Variants in C4orf50 observed in about 807,000 individuals in gnomAD.
The protein encoded by C4orf50 is uncharacterized protein C4orf50.
A neutral mutation model predicts 77.2 loss-of-function variants in C4orf50; 80 were observed. The ratio of observed to expected loss-of-function variants is 1.04; its 90% CI spans 0.87 to 1.25. C4orf50 has a LOEUF of 1.25. Ranked by LOEUF, C4orf50 falls within the 50% of genes most tolerant of loss-of-function variation. The pLI is 0.00. For synonymous variants in C4orf50, 532 were observed against 465.3 expected, an observed-to-expected ratio of 1.14 and a Z score of -1.84; for missense variants, 1,257 against 1,152.9, an observed-to-expected ratio of 1.09 and a Z score of -1.31.
rs141947081 is a variant in C4orf50 at position 5,962,723 on chromosome 4, C to A, written c.4275+2301G>T. On this transcript the variant is annotated intron_variant, in intron 33 of 33. Coordinates refer to ENST00000531445, the Ensembl canonical transcript of C4orf50. ...CCCCTCTGTGCCTCATCTTTTCTCA[C>A]AGGTTAAGTGGAGCTGATGCTGATA... Among the ~76,000 whole-genome samples the A allele has an allele frequency of 3.7e-3, 569 of 152,348 alleles. 1 individual carries two copies. Among genetic ancestry groups the A allele is most frequent in the Non-Finnish European group, 4.9e-3 (332 of 68,038 alleles).
rs750131436 is a variant in C4orf50 at position 6,017,016 on chromosome 4, A to G, written c.287+1129T>C. ...TTCGCTGATCTATATACAAGGCCCA[A>G]CCTCGTTCTGCCAGTCTGGGTGTCA... On this transcript the variant is annotated intron_variant, in intron 23 of 33. Transcript: ENST00000531445. The surrounding 1 kb of genome is among the most constrained non-coding windows in gnomAD (Gnocchi z 4.7). 1.3e-5 allele frequency among the ~76,000 whole-genome samples: 2 copies of G among 152,074 alleles called. No individual in the cohort carries two copies. Among genetic ancestry groups the G allele is most frequent in the African/African-American group, 4.8e-5 (2 of 41,402 alleles).
rs144140817 is a variant in C4orf50, at chr4:5,965,396, C to T, written c.4154-251G>A. 3.6e-3 allele frequency among the ~76,000 whole-genome samples: 547 copies of T among 152,348 alleles called. 2 individuals carry two copies. The highest frequency in any genetic ancestry group is 0.013 in the African/African-American group (522 of 41,576). On this transcript the variant is annotated intron_variant, in intron 32 of 33. Transcript: ENST00000531445. ...TGCCTGCCTGCCTGCCTCACCTTCC[C>T]CTACCTGGCTGCAAGCTCATTCCAT...
intron 32 of C4orf50, among the ~76,000 whole-genome samples, chr4:5,966,605 G>A (rs1018652589): frequency 7.9e-5 from 12 of 151,176 alleles, no homozygotes; most frequent in African/African-American, 2.4e-4. Flanking sequence ...AGATCCAGAT[G>A]TGCACATCGA....
In C4orf50 at chr4:5,975,158, A is replaced by C. The variant is rs148875358; in HGVS notation, c.3921+741T>G. 8.9e-3 allele frequency among the ~76,000 whole-genome samples: 706 copies of C among 79,658 alleles called. 35 individuals carry two copies. Among genetic ancestry groups the C allele is most frequent in the African/African-American group, 0.034 (658 of 19,100 alleles). The allele number at this position is 79,658 out of a possible 152,430, so 52.3% of individuals were successfully genotyped here. A position where few individuals can be genotyped will look rare whatever the true frequency, so the allele number is the denominator to read the frequency against. On this transcript the variant is annotated intron_variant, in intron 30 of 33. Transcript: ENST00000531445. Reference sequence around the variant, plus strand: ...CCATCTCAAAAAAAAAAAAAAAAAAAAAAAAAAAAAAAAAAAAAAACTACA... The same window carrying C: ...CCATCTCAAAAAAAAAAAAAAAAAACAAAAAAAAAAAAAAAAAAAACTACA...
rs1321047980 is a variant in C4orf50 at position 6,011,226 on chromosome 4, A to C, written c.426+604T>G. The stretch of plus-strand genomic sequence containing the variant: ...AAAGCTTGTTCCCCATTGTATTCAG[A>C]ATTGGGCCATGCAGCGGAGTTGGCC... On this transcript the variant is annotated intron_variant, in intron 24 of 33. Transcript: ENST00000531445. The surrounding 1 kb of genome is among the most constrained non-coding windows in gnomAD (Gnocchi z 4.2). Among the ~76,000 whole-genome samples the C allele has an allele frequency of 6.6e-6, 1 of 152,116 alleles. No individual in the cohort carries two copies. Among genetic ancestry groups the C allele is most frequent in the Non-Finnish European group, 1.5e-5 (1 of 68,010 alleles).
exon 28 of C4orf50, chr4:5,989,049 T>G: frequency 6.5e-7 from 1 of 1,536,106 alleles, no homozygotes; most frequent in Non-Finnish European, 8.7e-7. Context: ...GGTCAGAGAT[T>G]GCCTGTAAAT....
At position 5,900,308 on chromosome 4, in the gene C4orf50, C is replaced by T. The variant is rs1467015675; in HGVS notation, c.*2475-2120G>A. The T allele has an allele frequency of 1.3e-5, 2 of 152,114 alleles. No individual in the cohort carries two copies. The highest frequency in any genetic ancestry group is 2.4e-5 in the African/African-American group (1 of 41,404). 9.4% of individuals were successfully genotyped at this position (152,114 alleles called of 1,614,324 possible). A position where few individuals can be genotyped will look rare whatever the true frequency, so the allele number is the denominator to read the frequency against. Reference sequence around the variant, plus strand: ...CTCTCCAATGATGGGTAACTAAACTCATATAATAATCTCATTCCAAAGCAA... The same window carrying T: ...CTCTCCAATGATGGGTAACTAAACTTATATAATAATCTCATTCCAAAGCAA... On this transcript the variant is annotated intron_variant, in intron 7 of 7. Transcript: ENST00000324058. The surrounding 1 kb of genome is among the most constrained non-coding windows in gnomAD (Gnocchi z 4.3).
intron 31 of C4orf50, among the ~76,000 whole-genome samples, chr4:5,972,225 G>C (rs528143446): frequency 6.6e-6 from 1 of 151,934 alleles, no homozygotes; most frequent in South Asian, 2.1e-4. Context: ...GCATGGTCTC[G>C]ATCTCTTGAC....
Position 5,909,088 on chromosome 4 carries a change from T to G in C4orf50, c.*2475-10900A>C, listed in dbSNP as rs549341827. Among the ~76,000 whole-genome samples, 162 of 152,330 alleles carry G rather than the reference T, an allele frequency of 1.1e-3. 1 individual carries two copies. Among genetic ancestry groups the G allele is most frequent in the African/African-American group, 3.9e-3 (162 of 41,574 alleles). On this transcript the variant is annotated intron_variant, in intron 7 of 7. Coordinates refer to the C4orf50 transcript ENST00000324058. ...AAGCTGATGACATCCTGCCATTGTT[T>G]CAAACTACTACATGTCTTTCTCTGC...
At chr4:5,993,042 C>T (rs1014947586) in intron 26 of C4orf50, 112 bp from the exon 5 acceptor site, 1 of 396,916 alleles carries the variant, frequency 2.5e-6, no homozygotes, top group East Asian at 3.6e-5. Context: ...CCCCCCCACC[C>T]CCGACTGTGA....
intron 7 of C4orf50, among the ~76,000 whole-genome samples, chr4:5,951,779 T>G (rs1718734800): frequency 6.6e-6 from 1 of 152,170 alleles, no homozygotes; most frequent in Non-Finnish European, 1.5e-5. Context: ...GCGTTCGCTC[T>G]CCGTCCGACC....
At chr4:5,993,432 G>A (rs918087192) in intron 26 of C4orf50, among the ~76,000 whole-genome samples, 6 of 152,330 alleles carry the variant, frequency 3.9e-5, no homozygotes, top group Non-Finnish European at 8.8e-5. Context: ...TTGGAGGGCT[G>A]GAAATAAACC....
intron 7 of C4orf50, among the ~76,000 whole-genome samples, chr4:5,924,526 G>C (rs73067436): frequency 0.012 from 1,777 of 152,276 alleles, 29 homozygotes; most frequent in African/African-American, 0.04. Context: ...AGCAAGGGTA[G>C]AGAAACCTCC....
exon 8 of C4orf50, chr4:5,897,987 CTTG>C (rs1716195911): frequency 6.6e-6 from 1 of 152,206 alleles, no homozygotes; most frequent in Non-Finnish European, 1.5e-5. Flanking sequence ...CATTCTCAGC[CTTG>C]AGTTTATGAA....
chr4:5,955,761 C>G (rs1413242909), downstream of C4orf50, among the ~76,000 whole-genome samples: 1 of 152,142 alleles, frequency 6.6e-6, no homozygotes, highest in Non-Finnish European at 1.5e-5. This position sits in a 1 kb window ranked among gnomAD's most constrained non-coding sequence, Gnocchi z 5.1. Flanking sequence ...GCTGGCCCCT[C>G]CGGTGGAGTC....
intron 7 of C4orf50, among the ~76,000 whole-genome samples, chr4:5,909,258 T>C (rs1212558664): frequency 2.0e-5 from 3 of 152,230 alleles, no homozygotes; most frequent in Non-Finnish European, 4.4e-5. Flanking sequence ...CTGAGCACAC[T>C]GGCCTTGACC....
intron 29 of C4orf50, among the ~76,000 whole-genome samples, chr4:5,977,501 G>T (rs192648778): frequency 4.6e-5 from 7 of 152,070 alleles, no homozygotes; most frequent in African/African-American, 1.7e-4. Flanking sequence ...AATTTTGATG[G>T]TATTTTCATA....
rs1220366208 is a variant in C4orf50, at chr4:5,901,792, G to A, written c.*2475-3604C>T. Reference sequence around the variant, plus strand: ...CACAGGCTGGCAGGATCACCATGCTGTCTAAAGGTCTGGGGCCCAAGACAG... The same window carrying A: ...CACAGGCTGGCAGGATCACCATGCTATCTAAAGGTCTGGGGCCCAAGACAG... On this transcript the variant is annotated intron_variant, in intron 7 of 7. Coordinates refer to the C4orf50 transcript ENST00000324058. This position sits in a 1 kb window ranked among gnomAD's most constrained non-coding sequence, Gnocchi z 4.4. The A allele has an allele frequency of 3.9e-5, 6 of 152,348 alleles. No individual in the cohort carries two copies. Among genetic ancestry groups the A allele is most frequent in the Admixed American group, 3.9e-4 (6 of 15,306 alleles). 9.4% of individuals were successfully genotyped at this position (152,348 alleles called of 1,614,324 possible).
chr4:5,992,702 T>C lies in C4orf50; in HGVS notation c.1221+101A>G. 1 of 398,028 alleles carries C rather than the reference T, an allele frequency of 2.5e-6. No homozygotes were observed. Among genetic ancestry groups the C allele is most frequent in the Non-Finnish European group, 4.4e-6 (1 of 225,748 alleles). 24.7% of individuals were successfully genotyped at this position (398,028 alleles called of 1,614,324 possible). On this transcript the variant is annotated intron_variant, in intron 27 of 33. Transcript: ENST00000531445. The surrounding 1 kb of genome is among the most constrained non-coding windows in gnomAD (Gnocchi z 5.0). ...TGTTCTCCCAGACCTGGAGCTTCTT[T>C]ACCCCTCCCACATCCTGCGTGTGGC...
Sources: allele counts gnomAD v4.1 joint callset (sites outside exome capture counted in the v4.1 genomes callset), GRCh38; gene constraint gnomAD v4.1.1; non-coding constraint Gnocchi (gnomAD v3.1); transcripts MANE v1.5; gene names NCBI Gene and HGNC (gene_info 2026-07-23, HGNC 2026-07-21).